The following CADPS variants were observed in gnomAD, a reference collection of about 807,000 sequenced individuals.
The protein encoded by CADPS is calcium-dependent secretion activator 1.
In CADPS, 57 loss-of-function variants were observed where a neutral mutation model predicts 167.3. The ratio of observed to expected loss-of-function variants is 0.34; its 90% CI spans 0.28 to 0.42. CADPS has a LOEUF of 0.42. Ranked by LOEUF, CADPS falls within the 20% of genes least tolerant of loss-of-function variation. CADPS has a pLI of 1.00. For synonymous variants in CADPS, 676 were observed against 635.3 expected (o/e 1.06, Z -0.96); for missense variants, 1,414 against 1,738.1 (o/e 0.81, Z 3.32).
chr3:62,641,823 G>C (rs113713827), intron 6 of CADPS, among the ~76,000 whole-genome samples: 6 of 152,096 alleles, frequency 3.9e-5, no homozygotes, highest in African/African-American at 1.4e-4. Context: ...ATAAGTATGG[G>C]CCACAATTTA....
intron 7 of CADPS, among the ~76,000 whole-genome samples, chr3:62,591,138 G>A (rs1030052134): frequency 2.6e-5 from 4 of 152,176 alleles, no homozygotes; most frequent in African/African-American, 4.8e-5. Flanking sequence ...GGTTACAGGC[G>A]TGAGCCACCG....
chr3:62,662,743 G>A (rs2073565743), intron 3 of CADPS, among the ~76,000 whole-genome samples: 1 of 152,138 alleles, frequency 6.6e-6, no homozygotes, highest in African/African-American at 2.4e-5. Context: ...GGAAGGAGAC[G>A]GCAATATAAC....
In CADPS at chr3:62,842,185, C is replaced by T. The variant is rs535520876; in HGVS notation, c.441+32404G>A. Among the ~76,000 whole-genome samples, 5 of 152,294 alleles carry T rather than the reference C, an allele frequency of 3.3e-5. No individual in the cohort carries two copies. In the South Asian group the frequency reaches 1.0e-3, roughly 32 times the overall value. ...TATCCATTTGGCAAGAACAAGAACT[C>T]TAACAACAGTTACCAGTGCCAACGC... is the stretch of plus-strand genomic sequence containing the variant. On this transcript the variant is annotated intron_variant, in intron 1 of 29. Transcript: ENST00000383710.
intron 1 of CADPS, among the ~76,000 whole-genome samples, chr3:62,828,051 G>A (rs2074379915): frequency 1.3e-5 from 2 of 152,168 alleles, no homozygotes; most frequent in South Asian, 2.1e-4. Flanking sequence ...CTGCTTCATT[G>A]TGTGGGACTG....
At chr3:62,750,528 T>C (rs1040984793) in intron 3 of CADPS, among the ~76,000 whole-genome samples, 1 of 152,212 alleles carries the variant, frequency 6.6e-6, no homozygotes, top group Non-Finnish European at 1.5e-5. Context: ...ATTGTTTTGA[T>C]GGTTTCTTTG....
Position 62,478,556 on chromosome 3 carries a change from G to A in CADPS, c.3174-140C>T, listed in dbSNP as rs1380892506. The A allele has an allele frequency of 1.3e-6, 1 of 747,070 alleles. No individual in the cohort carries two copies. The highest frequency in any genetic ancestry group is 2.1e-6 in the Non-Finnish European group (1 of 465,452). The allele number at this position is 747,070 out of a possible 1,614,324, so 46.3% of individuals were successfully genotyped here. On this transcript the variant is annotated intron_variant, in intron 22 of 29. Transcript: ENST00000383710. This position sits in a 1 kb window ranked among gnomAD's most constrained non-coding sequence, Gnocchi z 5.7. Reference sequence around the variant, plus strand: ...AACGTGTGTTGGCGGTGGAGGCGGGGGCGAGTCTCCACCGGCAGATTTTGA... The same window carrying A: ...AACGTGTGTTGGCGGTGGAGGCGGGAGCGAGTCTCCACCGGCAGATTTTGA...
Position 62,431,933 on chromosome 3 carries a change from CACA to C in CADPS, c.3777+6168_3777+6170del, listed in dbSNP as rs373177296. Among the ~76,000 whole-genome samples the C allele has an allele frequency of 2.4e-4, 36 of 151,510 alleles. No homozygotes were observed. In the East Asian group the frequency reaches 5.4e-3, roughly 23 times the overall value. ...GATAATGATATGTGGGTGCTGGGAACACAACATTTTAATCTTCTTATTTTTTGG... is the reference window on the plus strand; with the variant it reads ...GATAATGATATGTGGGTGCTGGGAACACATTTTAATCTTCTTATTTTTTGG... On this transcript the variant is annotated intron_variant, in intron 28 of 29. Transcript: ENST00000383710.
intron 24 of CADPS, among the ~76,000 whole-genome samples, chr3:62,469,011 A>G (rs1172743116): frequency 2.0e-5 from 3 of 152,214 alleles, no homozygotes; most frequent in African/African-American, 7.2e-5. Context: ...TACTATGATT[A>G]ATAGATTAAC....
At chr3:62,481,398 TC>T (rs1442092272) in intron 22 of CADPS, among the ~76,000 whole-genome samples, 1 of 152,198 alleles carries the variant, frequency 6.6e-6, no homozygotes, top group Non-Finnish European at 1.5e-5. Context: ...AGAGGTTTCC[TC>T]CACTATTTTT....
At chr3:62,548,374 C>G (rs2152225892) in intron 11 of CADPS, among the ~76,000 whole-genome samples, 2 of 122,734 alleles carry the variant, frequency 1.6e-5, no homozygotes, top group Middle Eastern at 4.6e-3. Flanking sequence ...TGGGCAATCT[C>G]TTTCTTATTC....
At chr3:62,745,994 A>G (rs1006559063) in intron 3 of CADPS, among the ~76,000 whole-genome samples, 1 of 152,228 alleles carries the variant, frequency 6.6e-6, no homozygotes, top group African/African-American at 2.4e-5. Flanking sequence ...GAAGGAAAAC[A>G]GCAAACACTG....
At chr3:62,521,120 G>C (rs1180880659) in intron 13 of CADPS, among the ~76,000 whole-genome samples, 3 of 152,196 alleles carry the variant, frequency 2.0e-5, no homozygotes, top group Non-Finnish European at 2.9e-5. Context: ...TGATTCAGTA[G>C]AGCTGGGGGG....
At chr3:62,747,393 A>G (rs2081698995) in intron 3 of CADPS, among the ~76,000 whole-genome samples, 1 of 152,178 alleles carries the variant, frequency 6.6e-6, no homozygotes, top group South Asian at 2.1e-4. Context: ...ATGTAGTTAT[A>G]TGGAGATTAA....
At chr3:62,790,592 C>T (rs781008904) in intron 1 of CADPS, among the ~76,000 whole-genome samples, 5 of 152,214 alleles carry the variant, frequency 3.3e-5, no homozygotes, top group Non-Finnish European at 4.4e-5. Context: ...TATCATTTTG[C>T]ACCTAGGACC....
chr3:62,741,290 T>C (rs867531173), intron 3 of CADPS, among the ~76,000 whole-genome samples: 4 of 152,138 alleles, frequency 2.6e-5, no homozygotes, highest in African/African-American at 9.7e-5. Context: ...CAGCATCATC[T>C]TGACACCAAA....
At chr3:62,431,373 T>C (rs1189033971) in intron 28 of CADPS, among the ~76,000 whole-genome samples, 1 of 152,148 alleles carries the variant, frequency 6.6e-6, no homozygotes, top group East Asian at 1.9e-4. Context: ...CTGGCCTCTG[T>C]GAGTTTTTTA....
chr3:62,410,194 C>T (rs1245991258), intron 28 of CADPS, among the ~76,000 whole-genome samples: 2 of 152,136 alleles, frequency 1.3e-5, no homozygotes, highest in Non-Finnish European at 2.9e-5. Context: ...AAACACACAC[C>T]TTCACACACC....
intron 6 of CADPS, among the ~76,000 whole-genome samples, chr3:62,623,430 C>A (rs1300079723): frequency 6.6e-6 from 1 of 152,190 alleles, no homozygotes; most frequent in African/African-American, 2.4e-5. Context: ...TTAATTAGTA[C>A]TGATACACAA....
chr3:62,565,516 C>G (rs562673881), intron 9 of CADPS, among the ~76,000 whole-genome samples: 1 of 152,192 alleles, frequency 6.6e-6, no homozygotes, highest in Non-Finnish European at 1.5e-5. Context: ...ATACTGGGCC[C>G]CACCCCAGAC....
Sources: allele counts gnomAD v4.1 joint callset (sites outside exome capture counted in the v4.1 genomes callset), GRCh38; gene constraint gnomAD v4.1.1; non-coding constraint Gnocchi (gnomAD v3.1); transcripts MANE v1.5; gene names NCBI Gene and HGNC (gene_info 2026-07-23, HGNC 2026-07-21).